Variants in NTRK3 observed in about 807,000 individuals in gnomAD.
The protein encoded by NTRK3 is neurotrophic receptor tyrosine kinase 3.
In NTRK3, 24 loss-of-function variants were observed where a neutral mutation model predicts 91.7. The ratio of observed to expected loss-of-function variants is 0.26; its 90% CI spans 0.19 to 0.37. The LOEUF is 0.37. Among genes scored for constraint, NTRK3 ranks in the 10% least tolerant of loss-of-function variants. The pLI is 1.00. For missense variants in NTRK3, 880 were observed against 1,068.9 expected, an observed-to-expected ratio of 0.82 and a Z score of 2.46; for synonymous variants, 483 against 404.0, an observed-to-expected ratio of 1.20 and a Z score of -2.34.
intron 17 of NTRK3, among the ~76,000 whole-genome samples, chr15:87,923,545 A>G (rs151142199): frequency 2.0e-5 from 3 of 152,208 alleles, no homozygotes; most frequent in Non-Finnish European, 4.4e-5. Context: ...ATGAGCTTCT[A>G]TTTGTGTTGG....
intron 13 of NTRK3, chr15:88,099,048 C>A: frequency 4.3e-6 from 1 of 231,374 alleles, no homozygotes; most frequent in East Asian, 6.1e-5. Context: ...CAAGATGTAA[C>A]AGCCAAGGCC....
chr15:87,969,650 A>G (rs993569639), intron 14 of NTRK3, among the ~76,000 whole-genome samples: 4 of 152,120 alleles, frequency 2.6e-5, no homozygotes, highest in Admixed American at 6.5e-5. Flanking sequence ...CAGAATCTTT[A>G]TGTGAAGGAT....
chr15:87,922,207 C>A lies in NTRK3; in HGVS notation c.2133+6984G>T, dbSNP rs118189860. Among the ~76,000 whole-genome samples, 1,512 of 152,336 alleles carry A rather than the reference C, an allele frequency of 9.9e-3. 15 individuals are homozygous for A. Among genetic ancestry groups the A allele is most frequent in the South Asian group, 0.023 (112 of 4,822 alleles). On this transcript the variant is annotated intron_variant, in intron 17 of 18. Coordinates refer to ENST00000394480, the Ensembl canonical transcript of NTRK3. ...TGGCTCTCTTCAGTACACTGCCAAC[C>A]ACTTGACTTTCATCTGAGAGTTTCT...
At position 87,876,962 on chromosome 15, in the gene NTRK3, G is replaced by A. The variant is rs200199124; in HGVS notation, c.2451C>T (p.Thr817=). The A allele has an allele frequency of 3.1e-6, 5 of 1,613,778 alleles. No homozygotes were observed. The East Asian group carries it at 1.1e-4, about 36-fold the overall frequency. ...AGCCAAGAATGTCCAGGTAGATTGG[G>A]GTGGCCTTCCCCAAAGCATGGAGGA... Residue 817 remains threonine (T), a synonymous_variant, in exon 19 of 19, where the codon ACC becomes ACT. Coordinates refer to ENST00000394480, the Ensembl canonical transcript of NTRK3.
rs184283233 is a variant in NTRK3, at chr15:87,988,184, C to T, written c.1585+44673G>A. ...TCTTTAAGTGAAGTGATGAGAATGG[C>T]CTTTCACCTCTGTGGTCTTCCTTCC... On this transcript the variant is annotated intron_variant, in intron 14 of 18. Transcript: ENST00000394480. 2.9e-3 allele frequency among the ~76,000 whole-genome samples: 449 copies of T among 152,320 alleles called. 10 individuals are homozygous for T. The highest frequency in any genetic ancestry group is 6.9e-4 in the Non-Finnish European group (47 of 68,030).
Position 88,031,256 on chromosome 15 carries a change from G to A in NTRK3, c.1585+1601C>T, listed in dbSNP as rs1055814771. 5.3e-5 allele frequency among the ~76,000 whole-genome samples: 8 copies of A among 152,074 alleles called. No individual in the cohort carries two copies. In the East Asian group the frequency reaches 5.8e-4, roughly 11 times the overall value. On this transcript the variant is annotated intron_variant, in intron 14 of 18. Transcript: ENST00000394480. ...CAGTGTTCACTAATTCAGTGTTCAC[G>A]GCGACTTCACAGAACACAACTGATA...
At position 87,869,773 on chromosome 15, in the gene NTRK3, C is replaced by A. The variant is rs984024307; in HGVS notation, c.*7162G>T. 2.5e-5 allele frequency: 5 copies of A among 202,442 alleles called. No homozygotes were observed. In the Admixed American group the frequency reaches 3.0e-4, roughly 12 times the overall value. The allele number at this position is 202,442 out of a possible 1,614,324, so 12.5% of individuals were successfully genotyped here. On this transcript the variant is annotated 3_prime_UTR_variant, in exon 19 of 19. Coordinates refer to ENST00000394480, the Ensembl canonical transcript of NTRK3. ...TATTTATTCACTCCAGAGGTAGGCT[C>A]AGAGGCATCAGTTACATGCCAGGTA...
At chr15:88,136,020 A>G in exon 9 of NTRK3, 1 of 1,614,276 alleles carries the variant, frequency 6.2e-7, no homozygotes. Flanking sequence ...TGGCATGAAC[A>G]TTGGTCCAGT....
chr15:87,879,245 A>G (rs957215504), intron 18 of NTRK3, among the ~76,000 whole-genome samples: 2 of 152,320 alleles, frequency 1.3e-5, no homozygotes, highest in African/African-American at 2.4e-5. Flanking sequence ...TTCAAATAAG[A>G]TTTCAATACC....
At chr15:87,975,598 A>C (rs2073652611) in intron 14 of NTRK3, among the ~76,000 whole-genome samples, 1 of 152,178 alleles carries the variant, frequency 6.6e-6, no homozygotes, top group African/African-American at 2.4e-5. Context: ...AGCTCTCCGC[A>C]TCTGCCCTAT....
At chr15:88,079,740 T>C (rs961723242) in intron 13 of NTRK3, among the ~76,000 whole-genome samples, 5 of 152,216 alleles carry the variant, frequency 3.3e-5, no homozygotes, top group Admixed American at 2.6e-4. Flanking sequence ...ATCAATACAT[T>C]ATGAATAAAA....
chr15:87,963,889 A>G (rs2072540097), intron 14 of NTRK3, among the ~76,000 whole-genome samples: 1 of 152,158 alleles, frequency 6.6e-6, no homozygotes, highest in Admixed American at 6.6e-5. Flanking sequence ...TTTAGGTTCA[A>G]CCACATTTAT....
At chr15:87,886,034 G>A (rs1325527982) in intron 17 of NTRK3, among the ~76,000 whole-genome samples, 1 of 151,962 alleles carries the variant, frequency 6.6e-6, no homozygotes, top group Non-Finnish European at 1.5e-5. Context: ...GCAGAAAAAT[G>A]AATACAGGGT....
At chr15:87,921,794 C>A (rs1946696) in intron 17 of NTRK3, among the ~76,000 whole-genome samples, 42,473 of 151,824 alleles carry the variant, frequency 0.28, 6,065 homozygotes, top group African/African-American at 0.36. Flanking sequence ...ACTTCTGCCT[C>A]TGCAGAGCAA....
At chr15:87,991,032 C>T (rs963107850) in intron 14 of NTRK3, among the ~76,000 whole-genome samples, 2 of 152,158 alleles carry the variant, frequency 1.3e-5, no homozygotes, top group African/African-American at 4.8e-5. Context: ...CCAATGGTTA[C>T]CCCATGACTA....
chr15:87,922,306 G>A (rs1307195777), intron 17 of NTRK3, among the ~76,000 whole-genome samples: 1 of 152,168 alleles, frequency 6.6e-6, no homozygotes, highest in East Asian at 1.9e-4. Flanking sequence ...TGGTGACTGA[G>A]TAATCAGTCA....
At chr15:88,013,476 T>A (rs1375423831) in intron 14 of NTRK3, among the ~76,000 whole-genome samples, 1 of 152,178 alleles carries the variant, frequency 6.6e-6, no homozygotes, top group East Asian at 1.9e-4. Context: ...AGAGTCCCAG[T>A]GTGCTGTTTG....
intron 13 of NTRK3, among the ~76,000 whole-genome samples, chr15:88,051,981 G>C (rs752037188): frequency 1.3e-5 from 2 of 152,218 alleles, no homozygotes; most frequent in Non-Finnish European, 2.9e-5. Context: ...GTAGAGAAGA[G>C]CACCATAATT....
exon 19 of NTRK3, chr15:87,874,769 G>C (rs1325845605): frequency 4.3e-6 from 1 of 232,258 alleles, no homozygotes; most frequent in Admixed American, 5.6e-5. Context: ...GCTTCAGCCA[G>C]AACTCACAGC....
Sources: gnomAD v4.1 joint callset for allele counts (sites outside exome capture counted in the v4.1 genomes callset) on GRCh38, gnomAD v4.1.1 for gene constraint, MANE v1.5 for transcripts, NCBI Gene and HGNC (gene_info 2026-07-23, HGNC 2026-07-21) for gene names.